The following RASGRF1 variants were observed in gnomAD, a reference collection of about 807,000 sequenced individuals.
RASGRF1 encodes the protein ras-specific guanine nucleotide-releasing factor 1.
RASGRF1 carries 40 observed loss-of-function variants against 138.7 expected under a neutral mutation model. That is an observed-to-expected ratio of 0.29 (90% confidence interval 0.22 to 0.38). The LOEUF (loss-of-function observed/expected upper bound fraction) is 0.38, where lower values mean the gene tolerates loss of function less well. RASGRF1 is among the 10% of genes least tolerant of loss of function. The probability of loss-of-function intolerance (pLI) is 1.00; values close to 1 mark genes in which losing one functional copy is unlikely to be tolerated. For missense variants in RASGRF1, 1,108 were observed against 1,650.4 expected, an observed-to-expected ratio of 0.67 and a Z score of 5.69; for synonymous variants, 614 against 663.2, an observed-to-expected ratio of 0.93 and a Z score of 1.14.
Position 79,003,667 on chromosome 15 carries a change from C to T in RASGRF1, c.2449+135G>A, listed in dbSNP as rs922705944. The T allele has an allele frequency of 9.6e-5, 130 of 1,359,992 alleles. 1 individual carries two copies. In the South Asian group the frequency reaches 1.4e-3, roughly 14 times the overall value. The allele number at this position is 1,359,992 out of a possible 1,614,324, so 84.2% of individuals were successfully genotyped here. On this transcript the variant is annotated intron_variant, in intron 15 of 26. Coordinates refer to ENST00000558480, the MANE Select transcript of RASGRF1 (RefSeq NM_001145648.3). Reference sequence around the variant, plus strand: ...GACTCTGTGCTGCCTCCACTATCTGCCTGGTGGGACCCCCAAGCCTCTCCC... The same window carrying T: ...GACTCTGTGCTGCCTCCACTATCTGTCTGGTGGGACCCCCAAGCCTCTCCC...
intron 26 of RASGRF1, among the ~76,000 whole-genome samples, chr15:78,964,299 C>T (rs537643815): frequency 3.9e-5 from 6 of 152,028 alleles, no homozygotes; most frequent in South Asian, 4.2e-4. Flanking sequence ...CTCAGCATCC[C>T]GAGTAGCTGG....
rs372666100 is a variant in RASGRF1 at position 79,075,685 on chromosome 15, TG to T, written c.277-11160del. On this transcript the variant is annotated intron_variant, in intron 1 of 26. Transcript: ENST00000558480. ...GTTTGCCTGAGACTAATGAGTTTCC[TG>T]GGGGTGTGGCACTTTCAGTACTAAA... Among the ~76,000 whole-genome samples the T allele has an allele frequency of 8.5e-4, 130 of 152,290 alleles. 2 individuals are homozygous for T. The highest frequency in any genetic ancestry group is 5.5e-3 in the Admixed American group (84 of 15,306).
At chr15:78,979,326 G>T in intron 24 of RASGRF1, 1 of 630,030 alleles carries the variant, frequency 1.6e-6, no homozygotes, top group Non-Finnish European at 2.3e-6. Flanking sequence ...GCAGAGGGGT[G>T]AGCAGTCTGT....
At chr15:79,012,682 C>T (rs1478239789) in intron 13 of RASGRF1, among the ~76,000 whole-genome samples, 1 of 151,922 alleles carries the variant, frequency 6.6e-6, no homozygotes, top group African/African-American at 2.4e-5. Flanking sequence ...TTGTTTCATC[C>T]GCACTCTCTC....
At chr15:78,978,879 C>G (rs895817032) in intron 24 of RASGRF1, 71 of 1,223,642 alleles carry the variant, frequency 5.8e-5, no homozygotes, top group Non-Finnish European at 7.2e-5. Context: ...CCGCAGGCCA[C>G]CTCTGCCCTG....
intron 26 of RASGRF1, among the ~76,000 whole-genome samples, chr15:78,966,270 T>G (rs1265103811): frequency 7.0e-6 from 1 of 142,996 alleles, no homozygotes; most frequent in Non-Finnish European, 1.5e-5. Flanking sequence ...AGGATCCCAC[T>G]CTGTTGCCCA....
Position 79,058,314 on chromosome 15 carries a change from AC to A in RASGRF1, c.531+19del. The A allele has an allele frequency of 3.7e-6, 6 of 1,608,380 alleles. No homozygotes were observed. The highest frequency in any genetic ancestry group is 1.3e-5 in the African/African-American group (1 of 74,896). On this transcript the variant is annotated intron_variant, in intron 3 of 26. Coordinates refer to ENST00000558480, the MANE Select transcript of RASGRF1 (RefSeq NM_001145648.3). ...GATGTTGTGCCTAGGGCCTGGGCCC[AC>A]CCCCCAGCCCGCAGTCACCTCTGCC...
chr15:79,003,540 T>A (rs922610600), intron 15 of RASGRF1, among the ~76,000 whole-genome samples: 1 of 152,258 alleles, frequency 6.6e-6, no homozygotes, highest in Non-Finnish European at 1.5e-5. Flanking sequence ...TTGCTCGTGA[T>A]GGGAACTGAC....
intron 5 of RASGRF1, among the ~76,000 whole-genome samples, chr15:79,041,531 T>C (rs1156235271): frequency 6.6e-6 from 1 of 152,082 alleles, no homozygotes; most frequent in East Asian, 1.9e-4. Flanking sequence ...CAGCAAGGGA[T>C]GTGGGGGTGG....
chr15:79,090,310 C>G lies in RASGRF1; in HGVS notation c.189G>C (p.Ser63=). The G allele has an allele frequency of 6.2e-7, 1 of 1,613,728 alleles. No homozygotes were observed. Among genetic ancestry groups the G allele is most frequent in the Non-Finnish European group, 8.5e-7 (1 of 1,179,940 alleles). The change falls in exon 1 of 27, where the codon TCG becomes TCC. Residue 63 remains serine, a synonymous_variant. Coordinates refer to ENST00000558480, the MANE Select transcript of RASGRF1 (RefSeq NM_001145648.3). ...CGCAGCCCTCCAGCAGGTAAAGCCCCGAGGGCCGCGAGCTCGAGTCGCTCT... is the reference window on the plus strand; with the variant it reads ...CGCAGCCCTCCAGCAGGTAAAGCCCGGAGGGCCGCGAGCTCGAGTCGCTCT... ...YFESDSSSRP[S]GLYLLEGCVC...
chr15:79,031,436 A>G lies in RASGRF1; in HGVS notation c.1226T>C (p.Leu409Pro), dbSNP rs761670133. Residue 409 changes from leucine to proline, a missense_variant, in exon 8 of 27, where the codon CTG becomes CCG. Physicochemically the swap from Leu to Pro is moderately conservative, Grantham distance 98. Transcript: ENST00000558480. ...CTCCAGTTTGGACTTGGCGTAGTCC[A>G]GGCTGTTGCGCTCAACGTGCTCATG... is the stretch of plus-strand genomic sequence containing the variant. Reference protein sequence around the residue: ...TPHEHVERNSLDYAKSKLEEL... With the variant: ...TPHEHVERNSPDYAKSKLEEL... 1.2e-6 allele frequency: 2 copies of G among 1,613,066 alleles called. No homozygotes were observed. Among genetic ancestry groups the G allele is most frequent in the African/African-American group, 2.7e-5 (2 of 74,986 alleles).
rs2055968917 is a variant in RASGRF1 at position 78,979,445 on chromosome 15, A to G, written c.3494+1175T>C. On this transcript the variant is annotated intron_variant, in intron 24 of 26. Transcript: ENST00000558480. ...AGCCGTGATCATGGGAACACCAGGA[A>G]GCGGGGAGAGGCTTCCTGAGCTATA... The G allele has an allele frequency of 1.9e-5, 4 of 208,468 alleles. No individual in the cohort carries two copies. The South Asian group carries it at 2.3e-4, about 12-fold the overall frequency. The allele number at this position is 208,468 out of a possible 1,614,324, so 12.9% of individuals were successfully genotyped here. A position where few individuals can be genotyped will look rare whatever the true frequency, so the allele number is the denominator to read the frequency against.
In RASGRF1 at chr15:79,090,623, C is replaced by A. The variant is rs956177583; in HGVS notation, c.-125G>T. On this transcript the variant is annotated 5_prime_UTR_variant, in exon 1 of 27. Transcript: ENST00000558480. The stretch of plus-strand genomic sequence containing the variant: ...CGCTCGCTCCCTCTAGCTCTCCCCT[C>A]CCCCCAAATATCTACACTCCAGGAT... 5 of 1,327,148 alleles carry A rather than the reference C, an allele frequency of 3.8e-6. No homozygotes were observed. The highest frequency in any genetic ancestry group is 4.2e-4 in the Middle Eastern group (2 of 4,750). The allele number at this position is 1,327,148 out of a possible 1,614,324, so 82.2% of individuals were successfully genotyped here.
At chr15:79,058,302 G>C in intron 3 of RASGRF1, 32 bp downstream of exon 3, 2 of 1,602,440 alleles carry the variant, frequency 1.2e-6, no homozygotes, top group Non-Finnish European at 1.7e-6. Flanking sequence ...GTTGTGCCTA[G>C]GGCCTGGGCC....
chr15:79,070,072 G>A (rs923611537), intron 1 of RASGRF1, among the ~76,000 whole-genome samples: 13 of 152,176 alleles, frequency 8.5e-5, no homozygotes, highest in African/African-American at 3.1e-4. Context: ...CAGGGGCTGG[G>A]GAGTAATGTT....
In RASGRF1 at chr15:79,064,667, GCCAT is replaced by G. The variant is rs66538709; in HGVS notation, c.277-145_277-142del. ...ATTCCTTGTTTGTGATAATCAGAAT[GCCAT>G]TCTATTTAGCAGTTTCCAGTTCTCG... is the stretch of plus-strand genomic sequence containing the variant. On this transcript the variant is annotated intron_variant, in intron 1 of 26. Transcript: ENST00000558480. 1,799 of 782,546 alleles carry G rather than the reference GCCAT, an allele frequency of 2.3e-3. 25 individuals carry two copies. In the African/African-American group the frequency reaches 0.028, roughly 12 times the overall value. The allele number at this position is 782,546 out of a possible 1,614,324, so 48.5% of individuals were successfully genotyped here. A position where few individuals can be genotyped will look rare whatever the true frequency, so the allele number is the denominator to read the frequency against.
At chr15:78,983,994 C>A (rs188839657) in intron 23 of RASGRF1, among the ~76,000 whole-genome samples, 1 of 152,196 alleles carries the variant, frequency 6.6e-6, no homozygotes, top group African/African-American at 2.4e-5. Context: ...GCAGAGATGT[C>A]CCAGATGAGT....
chr15:79,017,627 G>A, intron 12 of RASGRF1, 143 bp downstream of exon 12: 1 of 1,108,180 alleles, frequency 9.0e-7, no homozygotes, highest in Admixed American at 3.4e-5. Context: ...TAGGGCTGTG[G>A]ACTTGGAAGA....
chr15:78,984,993 C>T lies in RASGRF1; in HGVS notation c.3414+14G>A. 1 of 1,612,712 alleles carries T rather than the reference C, an allele frequency of 6.2e-7. No individual in the cohort carries two copies. Among genetic ancestry groups the T allele is most frequent in the Non-Finnish European group, 8.5e-7 (1 of 1,178,678 alleles). ...AGCCCCAGGGAGGCAGTGGTGCCAG[C>T]CTCCTGCCCGCACCTGCTTAGAGAC... On this transcript the variant is annotated intron_variant, in intron 23 of 26. Coordinates refer to ENST00000558480, the MANE Select transcript of RASGRF1 (RefSeq NM_001145648.3).
Sources: gnomAD v4.1 joint callset for allele counts (sites outside exome capture counted in the v4.1 genomes callset) on GRCh38, gnomAD v4.1.1 for gene constraint, MANE v1.5 for transcripts, NCBI Gene and HGNC (gene_info 2026-07-23, HGNC 2026-07-21) for gene names.